Variants in GABRA3 observed in about 807,000 individuals in gnomAD.
GABRA3 encodes gamma-aminobutyric acid receptor subunit alpha-3.
In GABRA3, 10 loss-of-function variants were observed where a neutral mutation model predicts 30.1. That is an observed-to-expected ratio of 0.33 (90% CI 0.20 to 0.56). GABRA3 has a LOEUF of 0.56. Among genes scored for constraint, GABRA3 ranks in the 20% least tolerant of loss-of-function variants. The pLI is 0.89. For synonymous variants in GABRA3, 151 were observed against 146.8 expected (o/e 1.03, Z -0.21); for missense variants, 233 against 392.0 (o/e 0.59, Z 3.42).
chrX:152,238,744 T>C (rs868364881), intron 5 of GABRA3, among the ~76,000 whole-genome samples: 2 of 107,461 alleles, frequency 1.9e-5, no homozygotes, highest in African/African-American at 6.7e-5. Flanking sequence ...GTCGAGGAAT[T>C]TATCCATTTC....
intron 3 of GABRA3, among the ~76,000 whole-genome samples, chrX:152,301,195 A>G (rs964120410): frequency 8.9e-6 from 1 of 112,180 alleles, no homozygotes; most frequent in African/African-American, 3.2e-5. Context: ...AGGATATATG[A>G]TGGTGAAAAA....
chrX:152,208,216 A>G, intron 6 of GABRA3, 72 bp from the exon 7 acceptor site: 1 of 1,064,380 alleles, frequency 9.4e-7, no homozygotes, highest in South Asian at 2.1e-5. Context: ...ACTAAACTCA[A>G]ATGAGATCGA....
At chrX:152,402,281 C>T (rs1217292880) in intron 1 of GABRA3, among the ~76,000 whole-genome samples, 1 of 111,968 alleles carries the variant, frequency 8.9e-6, no homozygotes, top group East Asian at 2.8e-4. Flanking sequence ...TAAGCCAATG[C>T]TTATCCCTCC....
intron 1 of GABRA3, among the ~76,000 whole-genome samples, chrX:152,402,598 G>A (rs779983828): frequency 9.0e-6 from 1 of 110,899 alleles, no homozygotes; most frequent in Non-Finnish European, 1.9e-5. Context: ...AGCAGCACTG[G>A]GTCCCTATGC....
intron 1 of GABRA3, among the ~76,000 whole-genome samples, chrX:152,375,423 A>C (rs1280222335): frequency 8.9e-6 from 1 of 112,072 alleles, no homozygotes. Context: ...ATGGTATTTG[A>C]TGTTTGACCT....
chrX:152,398,735 C>T (rs1603254414), intron 1 of GABRA3, among the ~76,000 whole-genome samples: 1 of 111,566 alleles, frequency 9.0e-6, no homozygotes, highest in Non-Finnish European at 1.9e-5. Context: ...TTTGTGATTG[C>T]ACATACCAAT....
chrX:152,229,310 G>A (rs150676287), intron 5 of GABRA3, among the ~76,000 whole-genome samples: 2 of 111,350 alleles, frequency 1.8e-5, no homozygotes, highest in African/African-American at 6.5e-5. Flanking sequence ...AAAGTAAGAG[G>A]CAACCCAGGA....
intron 5 of GABRA3, among the ~76,000 whole-genome samples, chrX:152,228,318 G>A (rs1938004212): frequency 8.9e-6 from 1 of 111,876 alleles, no homozygotes; most frequent in African/African-American, 3.2e-5. Context: ...ACAAACATTT[G>A]CTTTTTCTGT....
chrX:152,248,051 A>G (rs1035135636), intron 5 of GABRA3, among the ~76,000 whole-genome samples: 2 of 110,977 alleles, frequency 1.8e-5, no homozygotes, highest in East Asian at 2.8e-4. Flanking sequence ...TTCAACATCT[A>G]TTGAAAACGT....
At chrX:152,382,261 T>C (rs1256678687) in intron 1 of GABRA3, among the ~76,000 whole-genome samples, 1 of 112,108 alleles carries the variant, frequency 8.9e-6, no homozygotes, top group Non-Finnish European at 1.9e-5. Context: ...ATGGCGATCA[T>C]TAAAAAGTCA....
intron 3 of GABRA3, among the ~76,000 whole-genome samples, chrX:152,305,274 A>T (rs779444539): frequency 2.7e-5 from 3 of 110,714 alleles, no homozygotes; most frequent in Non-Finnish European, 5.7e-5. Context: ...GAAGGGGCAA[A>T]GTAGGATGGG....
At chrX:152,299,238 T>C (rs1184955069) in intron 3 of GABRA3, among the ~76,000 whole-genome samples, 3 of 110,233 alleles carry the variant, frequency 2.7e-5, no homozygotes, top group African/African-American at 9.9e-5. Flanking sequence ...AAATAAAGAG[T>C]AAAGTAAAAA....
chrX:152,272,690 C>G (rs916132451), intron 4 of GABRA3, among the ~76,000 whole-genome samples: 1 of 111,674 alleles, frequency 9.0e-6, no homozygotes, highest in African/African-American at 3.3e-5. Context: ...CCATCCGAAT[C>G]TCATTTTGAA....
At chrX:152,373,798 C>A (rs1374405531) in intron 1 of GABRA3, among the ~76,000 whole-genome samples, 1 of 105,149 alleles carries the variant, frequency 9.5e-6, no homozygotes, top group Non-Finnish European at 1.9e-5. Context: ...CTACAACAGG[C>A]CCCGGTGTGT....
chrX:152,266,080 T>C (rs1041104869), intron 4 of GABRA3, among the ~76,000 whole-genome samples: 1 of 111,393 alleles, frequency 9.0e-6, no homozygotes, highest in African/African-American at 3.3e-5. Context: ...ATACCAATCC[T>C]ACTCAAACTA....
chrX:152,284,805 G>A lies in GABRA3; in HGVS notation c.263-70C>T. The A allele has an allele frequency of 4.1e-6, 3 of 738,764 alleles. No homozygotes were observed. The South Asian group carries it at 7.4e-5, about 18-fold the overall frequency. 60.9% of individuals were successfully genotyped at this position (738,764 alleles called of 1,213,427 possible). A position where few individuals can be genotyped will look rare whatever the true frequency, so the allele number is the denominator to read the frequency against. On this transcript the variant is annotated intron_variant, in intron 3 of 9. Transcript: ENST00000370314. Reference sequence around the variant, plus strand: ...TGTCTTAGCTCAGAGAGAGTCCAGTGCAGTACTCTGAATGACAGCCAACTT... The same window carrying A: ...TGTCTTAGCTCAGAGAGAGTCCAGTACAGTACTCTGAATGACAGCCAACTT...
chrX:152,239,002 G>T (rs1938294859), intron 5 of GABRA3, among the ~76,000 whole-genome samples: 1 of 109,608 alleles, frequency 9.1e-6, no homozygotes, highest in Admixed American at 9.8e-5. Context: ...CTTCAGTTCT[G>T]CTCTGATTTT....
chrX:152,304,809 T>G (rs928920033), intron 3 of GABRA3, among the ~76,000 whole-genome samples: 2 of 111,994 alleles, frequency 1.8e-5, no homozygotes, highest in East Asian at 2.8e-4. Context: ...TTGTTCTGTA[T>G]GAATTTTAGA....
At chrX:152,433,854 T>A (rs1930710542) in intron 1 of GABRA3, among the ~76,000 whole-genome samples, 1 of 110,506 alleles carries the variant, frequency 9.0e-6, no homozygotes, top group Admixed American at 9.6e-5. Flanking sequence ...TCACTACAGA[T>A]CTTACAAAAA....
Sources: allele counts gnomAD v4.1 joint callset (sites outside exome capture counted in the v4.1 genomes callset), GRCh38; gene constraint gnomAD v4.1.1; transcripts MANE v1.5; gene names NCBI Gene and HGNC (gene_info 2026-07-23, HGNC 2026-07-21).